TMEM178B: variants seen among roughly 807,000 people sequenced by gnomAD.
TMEM178B encodes transmembrane protein 178B.
A neutral mutation model predicts 31.0 loss-of-function variants in TMEM178B; 5 were observed. The observed-to-expected ratio is 0.16, with a 90% CI of 0.08 to 0.34. The LOEUF (loss-of-function observed/expected upper bound fraction) is 0.34, where lower values mean the gene tolerates loss of function less well. TMEM178B is among the 10% of genes least tolerant of loss of function. The pLI, the probability that TMEM178B is intolerant of heterozygous loss-of-function variation, is 1.00. For synonymous variants in TMEM178B, 164 were observed against 164.0 expected (o/e 1.00, Z 0.00); for missense variants, 275 against 400.3 (o/e 0.69, Z 2.67).
At chr7:141,450,472 C>A (rs1348025173) in intron 3 of TMEM178B, among the ~76,000 whole-genome samples, 1 of 152,118 alleles carries the variant, frequency 6.6e-6, no homozygotes, top group Non-Finnish European at 1.5e-5. Flanking sequence ...GGACTGAAAC[C>A]CTTAAGTGCA....
intron 2 of TMEM178B, among the ~76,000 whole-genome samples, chr7:141,241,043 G>GT (rs1389280160): frequency 6.1e-5 from 9 of 148,058 alleles, no homozygotes; most frequent in African/African-American, 2.2e-4. Flanking sequence ...GGGTACAAGC[G>GT]TTTTTTTTTG....
chr7:141,136,019 A>G (rs929528799), intron 1 of TMEM178B, among the ~76,000 whole-genome samples: 2 of 152,158 alleles, frequency 1.3e-5, no homozygotes, highest in Non-Finnish European at 2.9e-5. Context: ...GAAATGAAAA[A>G]GGAGATGTCC....
chr7:141,304,510 G>T (rs6967493), intron 2 of TMEM178B, among the ~76,000 whole-genome samples: 20,907 of 151,950 alleles, frequency 0.14, 1,531 homozygotes, highest in South Asian at 0.2. Flanking sequence ...GCACACTCTC[G>T]TCTCCAGGGC....
intron 2 of TMEM178B, among the ~76,000 whole-genome samples, chr7:141,402,447 C>A (rs1800801888): frequency 6.6e-6 from 1 of 152,204 alleles, no homozygotes; most frequent in African/African-American, 2.4e-5. Context: ...TTTTCACCTG[C>A]CATGTGGGAG....
At chr7:141,243,120 C>G (rs1398719416) in intron 2 of TMEM178B, among the ~76,000 whole-genome samples, 1 of 152,014 alleles carries the variant, frequency 6.6e-6, no homozygotes, top group Non-Finnish European at 1.5e-5. Flanking sequence ...AAAACTTAAA[C>G]AAACCCCAAA....
At chr7:141,126,642 T>C (rs1046046209) in intron 1 of TMEM178B, among the ~76,000 whole-genome samples, 7 of 152,222 alleles carry the variant, frequency 4.6e-5, no homozygotes, top group African/African-American at 1.4e-4. Flanking sequence ...TGCTTTTTGA[T>C]CAGGGGAATG....
chr7:141,492,649 T>C, the TMEM178B span, among the ~76,000 whole-genome samples: 1 of 152,116 alleles, frequency 6.6e-6, no homozygotes, highest in African/African-American at 2.4e-5. Flanking sequence ...GAAATGAAAA[T>C]GGGAATAAAT....
At chr7:141,457,109 A>G (rs1235058494) in intron 3 of TMEM178B, among the ~76,000 whole-genome samples, 1 of 152,182 alleles carries the variant, frequency 6.6e-6, no homozygotes, top group Non-Finnish European at 1.5e-5. Flanking sequence ...ATCCAAGGCC[A>G]GGTGGGCCAA....
intron 2 of TMEM178B, among the ~76,000 whole-genome samples, chr7:141,304,218 C>T (rs959968194): frequency 2.6e-5 from 4 of 152,012 alleles, no homozygotes; most frequent in Admixed American, 2.6e-4. Flanking sequence ...TTTTATCTTC[C>T]CACCTGAAAG....
At chr7:141,178,965 T>G (rs1478311722) in intron 1 of TMEM178B, among the ~76,000 whole-genome samples, 1 of 152,236 alleles carries the variant, frequency 6.6e-6, no homozygotes, top group African/African-American at 2.4e-5. Context: ...GGTGTTGGGC[T>G]TGTTCCGAAC....
chr7:141,229,931 G>T (rs1056076917), intron 2 of TMEM178B, among the ~76,000 whole-genome samples: 20 of 151,982 alleles, frequency 1.3e-4, no homozygotes, highest in Non-Finnish European at 4.4e-5. Context: ...TATCCTTTGT[G>T]TTTTTCTTTG....
chr7:141,236,870 G>A (rs998692434), intron 2 of TMEM178B, among the ~76,000 whole-genome samples: 2 of 152,164 alleles, frequency 1.3e-5, no homozygotes, highest in Non-Finnish European at 2.9e-5. Context: ...AAATTAAAAG[G>A]CAAGGAAATT....
At chr7:141,079,011 G>T (rs1794641981) in intron 1 of TMEM178B, among the ~76,000 whole-genome samples, 1 of 152,216 alleles carries the variant, frequency 6.6e-6, no homozygotes, top group East Asian at 1.9e-4. Flanking sequence ...AATAGGCTGG[G>T]CACAGTGGTT....
At chr7:141,367,058 C>T (rs1432835560) in intron 2 of TMEM178B, among the ~76,000 whole-genome samples, 1 of 122,414 alleles carries the variant, frequency 8.2e-6, no homozygotes, top group African/African-American at 3.2e-5. Flanking sequence ...TGTGCTGCTG[C>T]CATTCAGGGG....
chr7:141,083,902 A>G (rs1407074042), intron 1 of TMEM178B, among the ~76,000 whole-genome samples: 1 of 150,174 alleles, frequency 6.7e-6, no homozygotes, highest in Non-Finnish European at 1.5e-5. Flanking sequence ...TTTTTTTGAG[A>G]CAGAGTCTCG....
At chr7:141,263,049 G>A (rs1188676315) in intron 2 of TMEM178B, among the ~76,000 whole-genome samples, 1 of 152,106 alleles carries the variant, frequency 6.6e-6, no homozygotes, top group East Asian at 1.9e-4. Context: ...AGCCTTGACA[G>A]AAGAATGTAC....
At chr7:141,468,208 G>A (rs994467006) in intron 3 of TMEM178B, among the ~76,000 whole-genome samples, 10 of 152,152 alleles carry the variant, frequency 6.6e-5, no homozygotes, top group African/African-American at 2.4e-4. Context: ...TGGTCATTGA[G>A]CCAGCAGCAT....
chr7:141,309,027 T>C (rs947039799), intron 2 of TMEM178B, among the ~76,000 whole-genome samples: 2 of 152,218 alleles, frequency 1.3e-5, no homozygotes, highest in African/African-American at 2.4e-5. Context: ...GAGCTTCAGC[T>C]TGAACTACAA....
At chr7:141,321,326 CT>C (rs1275160009) in intron 2 of TMEM178B, among the ~76,000 whole-genome samples, 1 of 152,222 alleles carries the variant, frequency 6.6e-6, no homozygotes, top group Non-Finnish European at 1.5e-5. Flanking sequence ...CAGATTGCCC[CT>C]CACAGGCATG....
Sources: allele counts gnomAD v4.1 joint callset (sites outside exome capture counted in the v4.1 genomes callset), GRCh38; gene constraint gnomAD v4.1.1; transcripts MANE v1.5; gene names NCBI Gene and HGNC (gene_info 2026-07-23, HGNC 2026-07-21).